The following CAMSAP2 variants were observed in gnomAD, a reference collection of about 807,000 sequenced individuals.
CAMSAP2 encodes the protein calmodulin regulated spectrin associated protein family member 2, also known as calmodulin-regulated spectrin-associated protein 2.
In CAMSAP2, 26 loss-of-function variants were observed where a neutral mutation model predicts 146.1. The ratio of observed to expected loss-of-function variants is 0.18; its 90% CI spans 0.13 to 0.25. The LOEUF (loss-of-function observed/expected upper bound fraction) is 0.25. Ranked by LOEUF, CAMSAP2 falls within the 10% of genes least tolerant of loss-of-function variation. The probability of loss-of-function intolerance (pLI) is 1.00; values close to 1 mark genes in which losing one functional copy is unlikely to be tolerated. For synonymous variants in CAMSAP2, 499 were observed against 596.6 expected (o/e 0.84, Z 2.38); for missense variants, 1,381 against 1,759.3 (o/e 0.78, Z 3.85).
chr1:200,804,904 C>G lies in CAMSAP2; in HGVS notation c.400-2472C>G, dbSNP rs1462298289. Among the ~76,000 whole-genome samples, 4 of 152,150 alleles carry G rather than the reference C, an allele frequency of 2.6e-5. No homozygotes were observed. In the South Asian group the frequency reaches 6.2e-4, roughly 24 times the overall value. On this transcript the variant is annotated intron_variant, in intron 2 of 16. Coordinates refer to ENST00000358823, the MANE Select transcript of CAMSAP2 (RefSeq NM_203459.4). ...ATTTTTTTGCTTTGCAACAAAATGA[C>G]TTAACTCCTGCCAACTGCATGATAT...
intron 3 of CAMSAP2, among the ~76,000 whole-genome samples, chr1:200,807,955 G>A (rs1233911757): frequency 6.6e-6 from 1 of 151,912 alleles, no homozygotes; most frequent in Admixed American, 6.6e-5. Context: ...TGGCCAGGCT[G>A]GTCTGGAACT....
chr1:200,817,679 A>G (rs1392591749), intron 4 of CAMSAP2, among the ~76,000 whole-genome samples: 1 of 152,246 alleles, frequency 6.6e-6, no homozygotes, highest in African/African-American at 2.4e-5. Context: ...AGGAAGGAAA[A>G]GCGAAGCTGT....
intron 1 of CAMSAP2, among the ~76,000 whole-genome samples, chr1:200,740,977 C>T (rs2102981118): frequency 6.6e-6 from 1 of 152,294 alleles, no homozygotes. Context: ...CCCTAGTACT[C>T]ACAAATTTCC....
intron 8 of CAMSAP2, among the ~76,000 whole-genome samples, chr1:200,846,732 C>T (rs952929490): frequency 1.3e-5 from 2 of 152,130 alleles, no homozygotes; most frequent in Non-Finnish European, 2.9e-5. Context: ...AAACAAAGGA[C>T]GAAGACAGAC....
At chr1:200,826,547 C>T (rs147495566) in intron 4 of CAMSAP2, among the ~76,000 whole-genome samples, 59 of 152,196 alleles carry the variant, frequency 3.9e-4, no homozygotes, top group African/African-American at 1.3e-3. Flanking sequence ...AAGACCACAC[C>T]AAACCAATAT....
At chr1:200,797,105 A>G (rs1374130023) in intron 2 of CAMSAP2, among the ~76,000 whole-genome samples, 1 of 151,936 alleles carries the variant, frequency 6.6e-6, no homozygotes, top group Admixed American at 6.6e-5. Context: ...AGTCTTTGCT[A>G]TTGTGAATAA....
rs1014523773 is a variant in CAMSAP2 at position 200,774,530 on chromosome 1, T to G, written c.399+13432T>G. 2.0e-5 allele frequency among the ~76,000 whole-genome samples: 3 copies of G among 152,310 alleles called. No homozygotes were observed. The East Asian group carries it at 5.8e-4, about 29-fold the overall frequency. On this transcript the variant is annotated intron_variant, in intron 2 of 16. Transcript: ENST00000358823. Reference sequence around the variant, plus strand: ...TGTTAGTTTGTGGTTAGCAAACAAGTAAACAAATATTAAAAACGTAACTAG... The same window carrying G: ...TGTTAGTTTGTGGTTAGCAAACAAGGAAACAAATATTAAAAACGTAACTAG...
At chr1:200,834,516 T>C (rs1012581700) in intron 6 of CAMSAP2, among the ~76,000 whole-genome samples, 1 of 152,250 alleles carries the variant, frequency 6.6e-6, no homozygotes, top group Non-Finnish European at 1.5e-5. Flanking sequence ...ATTTTAGTAA[T>C]GTTAGTGTTG....
chr1:200,828,547 C>G (rs1558197504), intron 4 of CAMSAP2: 4 of 1,549,254 alleles, frequency 2.6e-6, no homozygotes. Context: ...TTGCTTTCCC[C>G]TTTTTTCCCG....
At chr1:200,760,438 G>C (rs535719200) in intron 1 of CAMSAP2, among the ~76,000 whole-genome samples, 1 of 152,308 alleles carries the variant, frequency 6.6e-6, no homozygotes, top group Non-Finnish European at 1.5e-5. Flanking sequence ...AGGACTAGCA[G>C]TCTCCTGAAA....
chr1:200,814,838 C>T (rs1425433932), intron 3 of CAMSAP2, among the ~76,000 whole-genome samples: 2 of 152,018 alleles, frequency 1.3e-5, no homozygotes, highest in Non-Finnish European at 2.9e-5. Context: ...TTAATATTTT[C>T]TACAGTGCCA....
chr1:200,799,625 C>T (rs1665983757), intron 2 of CAMSAP2, among the ~76,000 whole-genome samples: 1 of 152,092 alleles, frequency 6.6e-6, no homozygotes, highest in Admixed American at 6.5e-5. Context: ...AAAACCAGCT[C>T]CTGGATTCAT....
intron 2 of CAMSAP2, among the ~76,000 whole-genome samples, chr1:200,774,638 G>T (rs1321518117): frequency 6.6e-6 from 1 of 152,172 alleles, no homozygotes; most frequent in Non-Finnish European, 1.5e-5. Flanking sequence ...AGTTAGAGTG[G>T]CTAGGAGCAG....
intron 2 of CAMSAP2, among the ~76,000 whole-genome samples, chr1:200,762,840 C>T (rs1664838032): frequency 6.6e-6 from 1 of 152,054 alleles, no homozygotes; most frequent in African/African-American, 2.4e-5. Context: ...CTTTATTGAT[C>T]CTGCTGATAG....
intron 6 of CAMSAP2, among the ~76,000 whole-genome samples, chr1:200,840,369 A>C (rs1335432765): frequency 6.6e-6 from 1 of 152,000 alleles, no homozygotes; most frequent in Non-Finnish European, 1.5e-5. Flanking sequence ...TCCTGGGCTC[A>C]AGCTGTATTC....
In CAMSAP2 at chr1:200,811,134, T is replaced by C. The variant is rs116265034; in HGVS notation, c.561+3597T>C. The stretch of plus-strand genomic sequence containing the variant: ...TTAATTTAAACTCAATCTTTACTTC[T>C]AAAGCATGAACCATCTTTTTGAAGT... On this transcript the variant is annotated intron_variant, in intron 3 of 16. Transcript: ENST00000358823. Among the ~76,000 whole-genome samples the C allele has an allele frequency of 9.8e-3, 1,496 of 152,294 alleles. 24 individuals carry two copies. Among genetic ancestry groups the C allele is most frequent in the African/African-American group, 0.033 (1,386 of 41,548 alleles).
At chr1:200,801,639 G>GT (rs1196358447) in intron 2 of CAMSAP2, among the ~76,000 whole-genome samples, 3 of 151,914 alleles carry the variant, frequency 2.0e-5, no homozygotes, top group African/African-American at 7.3e-5. Context: ...CCTTTTCGTT[G>GT]TTTTTTCTCT....
chr1:200,814,565 G>A (rs1666426868), intron 3 of CAMSAP2, among the ~76,000 whole-genome samples: 1 of 123,552 alleles, frequency 8.1e-6, no homozygotes, highest in African/African-American at 3.1e-5. Context: ...AGCTGACACA[G>A]TGCCACTGCA....
intron 14 of CAMSAP2, among the ~76,000 whole-genome samples, 160 bp from the exon 15 acceptor site, chr1:200,855,850 C>T (rs61825260): frequency 0.3 from 45,568 of 151,714 alleles, 7,436 homozygotes; most frequent in Middle Eastern, 0.4. Context: ...CTGCCTCGGC[C>T]TCCCAAAGTG....
Sources: gnomAD v4.1 joint callset for allele counts (sites outside exome capture counted in the v4.1 genomes callset) on GRCh38, gnomAD v4.1.1 for gene constraint, MANE v1.5 for transcripts, NCBI Gene and HGNC (gene_info 2026-07-23, HGNC 2026-07-21) for gene names.